Variants in IL1RAPL2 observed in about 807,000 individuals in gnomAD.
IL1RAPL2 encodes the protein X-linked interleukin-1 receptor accessory protein-like 2.
IL1RAPL2 carries 3 observed loss-of-function variants against 44.1 expected under a neutral mutation model. That is an observed-to-expected ratio of 0.07 (90% CI 0.03 to 0.18). The LOEUF (loss-of-function observed/expected upper bound fraction) is 0.18, where lower values mean the gene tolerates loss of function less well. IL1RAPL2 is among the 10% of genes least tolerant of loss of function. The pLI is 1.00. For missense variants in IL1RAPL2, 391 were observed against 496.4 expected (o/e 0.79, Z 2.02); for synonymous variants, 181 against 178.8 (o/e 1.01, Z -0.10).
intron 5 of IL1RAPL2, among the ~76,000 whole-genome samples, chrX:105,371,911 C>A (rs1439171817): frequency 9.0e-6 from 1 of 111,254 alleles, no homozygotes; most frequent in Non-Finnish European, 1.9e-5. Context: ...GATGATATCC[C>A]GTTCAGGGAA....
intron 6 of IL1RAPL2, among the ~76,000 whole-genome samples, chrX:105,568,696 T>G (rs1429203881): frequency 1.8e-5 from 2 of 112,419 alleles, no homozygotes; most frequent in African/African-American, 6.5e-5. Flanking sequence ...TGTTAAACTC[T>G]TCATCCCTTT....
chrX:105,143,568 C>T (rs1266830513), intron 2 of IL1RAPL2, among the ~76,000 whole-genome samples: 1 of 111,745 alleles, frequency 8.9e-6, no homozygotes, highest in Non-Finnish European at 1.9e-5. Flanking sequence ...CTAGTAATAC[C>T]ATTTGACCCA....
At chrX:104,669,698 C>A (rs1037202360) in intron 2 of IL1RAPL2, among the ~76,000 whole-genome samples, 37 of 111,577 alleles carry the variant, frequency 3.3e-4, no homozygotes, top group African/African-American at 1.1e-3. Context: ...AATGTACAGC[C>A]AGGGATGAGA....
intron 6 of IL1RAPL2, among the ~76,000 whole-genome samples, chrX:105,673,366 T>C (rs1401840538): frequency 1.8e-5 from 2 of 111,005 alleles, no homozygotes; most frequent in East Asian, 5.7e-4. Flanking sequence ...CCCCTCCCTG[T>C]GTCCATGTGT....
chrX:104,753,971 T>C (rs1254280155), intron 2 of IL1RAPL2, among the ~76,000 whole-genome samples: 2 of 111,830 alleles, frequency 1.8e-5, no homozygotes, highest in African/African-American at 6.5e-5. Flanking sequence ...TTCCACAAAT[T>C]GTATTTTATT....
intron 2 of IL1RAPL2, among the ~76,000 whole-genome samples, chrX:104,756,573 A>G (rs189221255): frequency 1.9e-3 from 210 of 110,765 alleles, no homozygotes; most frequent in Admixed American, 5.6e-3. Context: ...TGTTCTAGGT[A>G]TTGGGCACAT....
intron 2 of IL1RAPL2, among the ~76,000 whole-genome samples, chrX:104,839,499 T>C (rs1161093845): frequency 8.9e-6 from 1 of 111,995 alleles, no homozygotes; most frequent in Non-Finnish European, 1.9e-5. Context: ...GTATTTTTTA[T>C]TGAGGATATT....
chrX:105,575,438 T>A (rs913848647), intron 6 of IL1RAPL2, among the ~76,000 whole-genome samples: 30 of 111,917 alleles, frequency 2.7e-4, no homozygotes, highest in African/African-American at 9.4e-4. Context: ...GTTTTCTGTT[T>A]CTGTATTAAT....
At chrX:105,126,623 G>C (rs1183427231) in intron 2 of IL1RAPL2, among the ~76,000 whole-genome samples, 1 of 111,149 alleles carries the variant, frequency 9.0e-6, no homozygotes, top group Non-Finnish European at 1.9e-5. Flanking sequence ...TTTCCATTCA[G>C]CTATTTGCTA....
intron 2 of IL1RAPL2, among the ~76,000 whole-genome samples, chrX:104,752,317 C>T (rs1418612954): frequency 9.1e-6 from 1 of 109,347 alleles, no homozygotes. Flanking sequence ...GAGAGAGGCT[C>T]TAATTGATTT....
intron 2 of IL1RAPL2, among the ~76,000 whole-genome samples, chrX:105,171,860 G>A (rs2033426527): frequency 8.9e-6 from 1 of 111,925 alleles, no homozygotes; most frequent in South Asian, 3.8e-4. Flanking sequence ...AGTGCTGGTG[G>A]AACAGGGAAT....
At chrX:105,457,943 C>T (rs2036068030) in intron 5 of IL1RAPL2, among the ~76,000 whole-genome samples, 2 of 111,036 alleles carry the variant, frequency 1.8e-5, no homozygotes, top group Admixed American at 1.9e-4. Context: ...CAACAATGCA[C>T]AAAATTTTCA....
At chrX:105,333,030 G>A (rs1432951657) in intron 5 of IL1RAPL2, among the ~76,000 whole-genome samples, 1 of 111,318 alleles carries the variant, frequency 9.0e-6, no homozygotes, top group Admixed American at 9.6e-5. Flanking sequence ...AAATTTATAT[G>A]GAACCACAAA....
In IL1RAPL2 at chrX:105,442,014, G is replaced by A. The variant is rs5962522; in HGVS notation, c.698-42299G>A. On this transcript the variant is annotated intron_variant, in intron 5 of 10. Transcript: ENST00000372582. ...ATTCATAAGTAATAACTACAAAAAG[G>A]CTCATTATTATGAATTGGGTTCTTC... 1.8e-5 allele frequency among the ~76,000 whole-genome samples: 2 copies of A among 109,878 alleles called. 1 individual carries two copies. Among genetic ancestry groups the A allele is most frequent in the Admixed American group, 1.9e-4 (2 of 10,313 alleles).
intron 2 of IL1RAPL2, among the ~76,000 whole-genome samples, chrX:104,997,366 T>C (rs1226190128): frequency 8.9e-6 from 1 of 112,233 alleles, no homozygotes; most frequent in East Asian, 2.8e-4. Flanking sequence ...TGCTTCTCTA[T>C]ACTTTAAAAG....
At chrX:105,545,056 C>T (rs1305852439) in intron 6 of IL1RAPL2, among the ~76,000 whole-genome samples, 2 of 111,200 alleles carry the variant, frequency 1.8e-5, no homozygotes, top group African/African-American at 6.5e-5. Context: ...TATGACCAAC[C>T]TAGAAATGCT....
intron 2 of IL1RAPL2, among the ~76,000 whole-genome samples, chrX:104,984,478 T>C (rs1241011533): frequency 9.0e-6 from 1 of 111,443 alleles, no homozygotes; most frequent in African/African-American, 3.3e-5. Context: ...CAGTAATTAA[T>C]ATGGAAATAA....
chrX:105,665,686 C>T (rs1275116548), intron 6 of IL1RAPL2, among the ~76,000 whole-genome samples: 1 of 107,440 alleles, frequency 9.3e-6, no homozygotes, highest in African/African-American at 3.4e-5. Context: ...GTTTATTGAA[C>T]TGGATTTATC....
intron 6 of IL1RAPL2, among the ~76,000 whole-genome samples, chrX:105,684,074 C>T (rs1182359351): frequency 8.9e-6 from 1 of 111,813 alleles, no homozygotes. Flanking sequence ...TCCAAGATGG[C>T]CGAATAGGAA....
Sources: gnomAD v4.1 joint callset for allele counts (sites outside exome capture counted in the v4.1 genomes callset) on GRCh38, gnomAD v4.1.1 for gene constraint, MANE v1.5 for transcripts, NCBI Gene and HGNC (gene_info 2026-07-23, HGNC 2026-07-21) for gene names.